The following PTPRD variants were observed in gnomAD, a reference collection of about 807,000 sequenced individuals.
PTPRD encodes the protein receptor-type tyrosine-protein phosphatase delta.
In PTPRD, 34 loss-of-function variants were observed where a neutral mutation model predicts 214.5. The ratio of observed to expected loss-of-function variants is 0.16; its 90% CI spans 0.12 to 0.21. PTPRD has a LOEUF of 0.21. Among genes scored for constraint, PTPRD ranks in the 10% least tolerant of loss-of-function variants. The pLI is 1.00. For missense variants in PTPRD, 2,545 were observed against 2,398.7 expected, an observed-to-expected ratio of 1.06 and a Z score of -1.27; for synonymous variants, 1,128 against 845.7, an observed-to-expected ratio of 1.33 and a Z score of -5.79.
At chr9:10,473,888 A>AATT (rs1327166606) in intron 2 of PTPRD, among the ~76,000 whole-genome samples, 5 of 152,044 alleles carry the variant, frequency 3.3e-5, no homozygotes, top group Non-Finnish European at 7.4e-5. Flanking sequence ...ATTCAGTGCA[A>AATT]ATTATTTCAT....
intron 11 of PTPRD, among the ~76,000 whole-genome samples, chr9:8,802,930 TAGTCTC>T (rs888361202): frequency 6.6e-6 from 1 of 152,028 alleles, no homozygotes; most frequent in African/African-American, 2.4e-5. Flanking sequence ...CACACACCTG[TAGTCTC>T]AGCTACTTGG....
chr9:10,267,470 T>C (rs912337191), intron 3 of PTPRD, among the ~76,000 whole-genome samples: 1 of 152,148 alleles, frequency 6.6e-6, no homozygotes, highest in Non-Finnish European at 1.5e-5. Context: ...ATTTTTTTAA[T>C]GGTTAAGTTT....
chr9:8,724,222 A>G (rs1247564672), intron 12 of PTPRD, among the ~76,000 whole-genome samples: 6 of 152,224 alleles, frequency 3.9e-5, no homozygotes, highest in Non-Finnish European at 7.3e-5. Context: ...TGTTAAAAAC[A>G]AAGGATTACT....
At chr9:9,051,194 C>T (rs1272144117) in intron 10 of PTPRD, among the ~76,000 whole-genome samples, 1 of 151,292 alleles carries the variant, frequency 6.6e-6, no homozygotes, top group Non-Finnish European at 1.5e-5. Context: ...TCATGTACAC[C>T]ACAAATATTT....
At chr9:9,744,837 G>A (rs570453091) in intron 6 of PTPRD, among the ~76,000 whole-genome samples, 20 of 151,850 alleles carry the variant, frequency 1.3e-4, no homozygotes, top group Non-Finnish European at 2.9e-4. Flanking sequence ...TTTTATGTGA[G>A]CCCTCCAGCA....
At chr9:9,928,762 A>ACACACACACACACACACACACAC (rs1296819912) in intron 5 of PTPRD, among the ~76,000 whole-genome samples, 3 of 151,228 alleles carry the variant, frequency 2.0e-5, no homozygotes, top group African/African-American at 7.3e-5. Flanking sequence ...CTCTATACAC[A>ACACACACACACACACACACACAC]CACACACACA....
chr9:10,125,104 G>C (rs2154251670), intron 3 of PTPRD, among the ~76,000 whole-genome samples: 1 of 152,290 alleles, frequency 6.6e-6, no homozygotes, highest in South Asian at 2.1e-4. Flanking sequence ...GGTCCCATTT[G>C]ATAAATATGC....
intron 7 of PTPRD, among the ~76,000 whole-genome samples, chr9:9,701,934 C>A (rs566905871): frequency 1.3e-5 from 2 of 152,176 alleles, no homozygotes; most frequent in African/African-American, 4.8e-5. Context: ...GCCTGGCCAA[C>A]ATGGTGAAAC....
chr9:9,852,143 G>A (rs1379785951), intron 5 of PTPRD, among the ~76,000 whole-genome samples: 1 of 151,752 alleles, frequency 6.6e-6, no homozygotes, highest in Non-Finnish European at 1.5e-5. Context: ...AAAATTATAT[G>A]GCCAACTGAA....
At chr9:8,460,969 A>C (rs1430500373) in intron 32 of PTPRD, among the ~76,000 whole-genome samples, 4 of 152,042 alleles carry the variant, frequency 2.6e-5, no homozygotes, top group East Asian at 1.9e-4. Context: ...CAAGAGAAAA[A>C]CTAGAGTTCT....
intron 5 of PTPRD, among the ~76,000 whole-genome samples, chr9:9,824,923 T>G (rs1028314058): frequency 6.6e-6 from 1 of 151,996 alleles, no homozygotes; most frequent in South Asian, 2.1e-4. Flanking sequence ...GCATATAAAG[T>G]GGGCTCTGGT....
At chr9:9,951,196 C>G (rs2093423878) in intron 4 of PTPRD, among the ~76,000 whole-genome samples, 2 of 152,036 alleles carry the variant, frequency 1.3e-5, no homozygotes, top group Non-Finnish European at 2.9e-5. Flanking sequence ...CTTCTATTAA[C>G]TGAATTAGAA....
chr9:9,676,083 T>C (rs1206293090), intron 7 of PTPRD, among the ~76,000 whole-genome samples: 5 of 152,108 alleles, frequency 3.3e-5, no homozygotes. Context: ...CAAAATATAT[T>C]CTAAAAGAAT....
chr9:10,563,032 C>G (rs1036351939), intron 2 of PTPRD, among the ~76,000 whole-genome samples: 1 of 152,176 alleles, frequency 6.6e-6, no homozygotes, highest in Non-Finnish European at 1.5e-5. Flanking sequence ...GAGGCTACTA[C>G]AGAGCCTAGA....
At chr9:9,764,967 A>G (rs1250620592) in intron 6 of PTPRD, among the ~76,000 whole-genome samples, 1 of 152,156 alleles carries the variant, frequency 6.6e-6, no homozygotes, top group African/African-American at 2.4e-5. Flanking sequence ...GGAAACTGAG[A>G]TTATTTGCAT....
At chr9:10,269,360 T>C (rs894211925) in intron 3 of PTPRD, among the ~76,000 whole-genome samples, 1 of 152,236 alleles carries the variant, frequency 6.6e-6, no homozygotes, top group Non-Finnish European at 1.5e-5. Flanking sequence ...ATGTGGTTCC[T>C]ATTGAGTAAT....
chr9:8,656,552 C>T (rs2096913393), intron 12 of PTPRD, among the ~76,000 whole-genome samples: 1 of 152,122 alleles, frequency 6.6e-6, no homozygotes, highest in Admixed American at 6.5e-5. Context: ...CTGGCATGGT[C>T]AAATACATTA....
At chr9:10,521,781 T>C (rs1457595180) in intron 2 of PTPRD, among the ~76,000 whole-genome samples, 1 of 152,144 alleles carries the variant, frequency 6.6e-6, no homozygotes, top group Non-Finnish European at 1.5e-5. Flanking sequence ...TTTTTAGCAA[T>C]AAAGTATTTG....
At chr9:10,274,051 T>C (rs534107214) in intron 3 of PTPRD, among the ~76,000 whole-genome samples, 1 of 152,268 alleles carries the variant, frequency 6.6e-6, no homozygotes, top group African/African-American at 2.4e-5. Context: ...GAGAAATTCA[T>C]TTAATGGCTG....
Sources: gnomAD v4.1 joint callset for allele counts (sites outside exome capture counted in the v4.1 genomes callset) on GRCh38, gnomAD v4.1.1 for gene constraint, MANE v1.5 for transcripts, NCBI Gene and HGNC (gene_info 2026-07-23, HGNC 2026-07-21) for gene names.